The following CCDC7 variants were observed in gnomAD, a reference collection of about 807,000 sequenced individuals.
CCDC7 encodes the protein coiled-coil domain-containing protein 7.
A neutral mutation model predicts 196.9 loss-of-function variants in CCDC7; 183 were observed. The ratio of observed to expected loss-of-function variants is 0.93; its 90% CI spans 0.82 to 1.05. CCDC7 has a LOEUF of 1.05. CCDC7 is among the 50% of genes least tolerant of loss of function. The pLI is 0.00. For synonymous variants in CCDC7, 525 were observed against 484.6 expected (o/e 1.08, Z -1.10); for missense variants, 1,540 against 1,482.2 (o/e 1.04, Z -0.64).
At chr10:32,809,941 CG>C (rs71030012) in intron 30 of CCDC7, among the ~76,000 whole-genome samples, 150,444 of 152,280 alleles carry the variant, frequency 0.99, 74,341 homozygotes, top group Middle Eastern at 1. Flanking sequence ...ATGTTTATTG[CG>C]GCACTATTCA....
At chr10:32,638,399 C>T (rs145804737) in intron 20 of CCDC7, among the ~76,000 whole-genome samples, 1,932 of 152,184 alleles carry the variant, frequency 0.013, 47 homozygotes, top group African/African-American at 0.045. Flanking sequence ...TTTTGAGATA[C>T]GTCCCATCAA....
chr10:32,760,675 A>G (rs921145964), intron 28 of CCDC7, among the ~76,000 whole-genome samples: 46 of 151,942 alleles, frequency 3.0e-4, no homozygotes, highest in African/African-American at 1.1e-3. Flanking sequence ...CAGCACACCA[A>G]CATGGCACAT....
intron 11 of CCDC7, among the ~76,000 whole-genome samples, chr10:32,518,939 A>G (rs913278279): frequency 2.0e-5 from 3 of 152,156 alleles, no homozygotes; most frequent in African/African-American, 7.2e-5. Context: ...TGCCATTGTT[A>G]GAGAGCTTAC....
chr10:32,510,811 A>G (rs1053109159), intron 9 of CCDC7, among the ~76,000 whole-genome samples: 2 of 152,108 alleles, frequency 1.3e-5, no homozygotes, highest in Non-Finnish European at 2.9e-5. Flanking sequence ...TTTGAATATC[A>G]ACAAAGCAGT....
intron 32 of CCDC7, among the ~76,000 whole-genome samples, chr10:32,832,145 CATGAGTGTAA>C (rs1274281526): frequency 6.6e-6 from 1 of 152,114 alleles, no homozygotes; most frequent in Non-Finnish European, 1.5e-5. Context: ...TGTATGGTTA[CATGAGTGTAA>C]CCATACAAAA....
chr10:32,455,634 A>G (rs1169999134), intron 2 of CCDC7, among the ~76,000 whole-genome samples: 2 of 152,112 alleles, frequency 1.3e-5, no homozygotes, highest in Non-Finnish European at 2.9e-5. Flanking sequence ...TTTAAATGTA[A>G]TGCTCAGGGA....
chr10:32,561,727 C>T (rs11527640), intron 13 of CCDC7, among the ~76,000 whole-genome samples: 1 of 151,690 alleles, frequency 6.6e-6, no homozygotes, highest in Admixed American at 6.6e-5. Context: ...ACCCTAACAT[C>T]ACAATTAAAA....
At chr10:32,660,276 TC>T (rs2071013236) in intron 20 of CCDC7, among the ~76,000 whole-genome samples, 2 of 104,214 alleles carry the variant, frequency 1.9e-5, no homozygotes, top group Admixed American at 1.1e-4. Flanking sequence ...CCCTCCCGCC[TC>T]CCCCCACCCC....
chr10:32,603,585 C>CTTTTT (rs34143127), intron 18 of CCDC7, among the ~76,000 whole-genome samples: 1 of 142,858 alleles, frequency 7.0e-6, no homozygotes, highest in Non-Finnish European at 1.5e-5. Context: ...TGTGATAGTT[C>CTTTTT]TTTTTTTTTT....
intron 29 of CCDC7, among the ~76,000 whole-genome samples, chr10:32,794,755 C>G (rs892403764): frequency 9.2e-5 from 14 of 152,006 alleles, no homozygotes; most frequent in Admixed American, 2.6e-4. Context: ...TGTCCTTTGC[C>G]CATATTTTAA....
chr10:32,871,892 T>G (rs1319379310), intron 41 of CCDC7, among the ~76,000 whole-genome samples: 1 of 152,216 alleles, frequency 6.6e-6, no homozygotes, highest in Non-Finnish European at 1.5e-5. Context: ...TTGTTCAGTT[T>G]CCATGTCCTT....
intron 37 of CCDC7, 26 bp from the exon 39 acceptor site, chr10:32,847,807 T>G (rs1360587100): frequency 6.9e-7 from 1 of 1,442,904 alleles, no homozygotes; most frequent in South Asian, 1.2e-5. Flanking sequence ...TTAAAAAGTG[T>G]TTTGAAATGT....
chr10:32,630,394 T>C (rs1425186561), intron 18 of CCDC7, among the ~76,000 whole-genome samples: 1 of 152,134 alleles, frequency 6.6e-6, no homozygotes, highest in Non-Finnish European at 1.5e-5. Flanking sequence ...CCTTACTTCT[T>C]GGGAAGAAGC....
intron 20 of CCDC7, among the ~76,000 whole-genome samples, chr10:32,652,647 A>C (rs1158274265): frequency 6.6e-6 from 1 of 152,166 alleles, no homozygotes; most frequent in Non-Finnish European, 1.5e-5. Context: ...CCTGATGACA[A>C]GTTAACATTG....
chr10:32,454,727 T>G (rs2033923202), intron 2 of CCDC7, among the ~76,000 whole-genome samples: 1 of 152,170 alleles, frequency 6.6e-6, no homozygotes, highest in East Asian at 1.9e-4. Flanking sequence ...GTATTTTATT[T>G]CACATCAACC....
At chr10:32,560,495 A>G (rs563036514) in intron 13 of CCDC7, among the ~76,000 whole-genome samples, 1 of 152,376 alleles carries the variant, frequency 6.6e-6, no homozygotes, top group South Asian at 2.1e-4. Context: ...TCTGCAAGCC[A>G]GAAGAGAGTG....
At chr10:32,668,979 T>G (rs1211562992) in intron 21 of CCDC7, among the ~76,000 whole-genome samples, 2 of 152,160 alleles carry the variant, frequency 1.3e-5, no homozygotes, top group African/African-American at 4.8e-5. Context: ...GTTTCTTATC[T>G]TAGAAGAAAC....
chr10:32,714,952 G>A (rs936028603), intron 25 of CCDC7, among the ~76,000 whole-genome samples: 1 of 152,232 alleles, frequency 6.6e-6, no homozygotes, highest in Non-Finnish European at 1.5e-5. Flanking sequence ...TCTGGGGGAA[G>A]GGGTGGCTGT....
intron 18 of CCDC7, among the ~76,000 whole-genome samples, chr10:32,585,869 G>C (rs530934380): frequency 2.0e-4 from 31 of 152,188 alleles, no homozygotes; most frequent in African/African-American, 7.0e-4. Context: ...AAATGATTTA[G>C]AATGCTTTGG....
Sources: allele counts gnomAD v4.1 joint callset (sites outside exome capture counted in the v4.1 genomes callset), GRCh38; gene constraint gnomAD v4.1.1; transcripts MANE v1.5; gene names NCBI Gene and HGNC (gene_info 2026-07-23, HGNC 2026-07-21).